The following MLLT3 variants were observed in gnomAD, a reference collection of about 807,000 sequenced individuals.
MLLT3 encodes MLLT3 super elongation complex subunit, also known as protein AF-9.
A neutral mutation model predicts 53.2 loss-of-function variants in MLLT3; 4 were observed. The ratio of observed to expected loss-of-function variants is 0.08; its 90% CI spans 0.04 to 0.17. The LOEUF (loss-of-function observed/expected upper bound fraction) is 0.17, where lower values mean the gene tolerates loss of function less well. Ranked by LOEUF, MLLT3 falls within the 10% of genes least tolerant of loss-of-function variation. The pLI is 1.00. For missense variants in MLLT3, 569 were observed against 684.0 expected (o/e 0.83, Z 1.87); for synonymous variants, 283 against 230.6 (o/e 1.23, Z -2.06).
intron 6 of MLLT3, 52 bp downstream of exon 6, chr9:20,365,617 T>A: frequency 6.2e-7 from 1 of 1,603,670 alleles, no homozygotes; most frequent in Non-Finnish European, 8.5e-7. Flanking sequence ...CAAAGTGCCA[T>A]TAAGGTGTTT....
At chr9:20,452,503 C>T (rs1823864507) in intron 3 of MLLT3, among the ~76,000 whole-genome samples, 1 of 152,028 alleles carries the variant, frequency 6.6e-6, no homozygotes, top group Non-Finnish European at 1.5e-5. Context: ...TTATAAATTA[C>T]CCAGTCTCGG....
intron 2 of MLLT3, among the ~76,000 whole-genome samples, chr9:20,487,413 T>C (rs1184986445): frequency 6.6e-6 from 1 of 152,100 alleles, no homozygotes; most frequent in Admixed American, 6.6e-5. Flanking sequence ...CAAAATAAAT[T>C]AACAAATGCA....
chr9:20,611,829 A>G (rs977159158), intron 2 of MLLT3, among the ~76,000 whole-genome samples: 2 of 152,188 alleles, frequency 1.3e-5, no homozygotes, highest in African/African-American at 4.8e-5. Flanking sequence ...AAGTCATGCA[A>G]CATTACTTCT....
intron 2 of MLLT3, among the ~76,000 whole-genome samples, chr9:20,552,907 T>G (rs1818961235): frequency 6.6e-6 from 1 of 152,128 alleles, no homozygotes; most frequent in South Asian, 2.1e-4. Flanking sequence ...ACCTAAATGT[T>G]TTTTATATGC....
chr9:20,588,950 C>G (rs796311274), intron 2 of MLLT3, among the ~76,000 whole-genome samples: 58 of 150,874 alleles, frequency 3.8e-4, no homozygotes, highest in African/African-American at 1.1e-3. Flanking sequence ...TGCTGAAGAG[C>G]ATGTGGAGAA....
intron 2 of MLLT3, among the ~76,000 whole-genome samples, chr9:20,549,261 A>G (rs1201416438): frequency 6.6e-6 from 1 of 152,234 alleles, no homozygotes; most frequent in African/African-American, 2.4e-5. Flanking sequence ...AAGTAGCTAT[A>G]ATTTGTGTGA....
intron 2 of MLLT3, among the ~76,000 whole-genome samples, chr9:20,532,325 A>G (rs1047618060): frequency 7.9e-5 from 12 of 151,972 alleles, no homozygotes; most frequent in African/African-American, 2.9e-4. Flanking sequence ...AAAAATATAT[A>G]TATATAAATC....
intron 2 of MLLT3, among the ~76,000 whole-genome samples, chr9:20,462,259 G>A (rs146156899): frequency 6.6e-6 from 1 of 152,276 alleles, no homozygotes; most frequent in African/African-American, 2.4e-5. Context: ...CTTCAAAACA[G>A]ATTATTCCTA....
rs1313617850 is a variant in MLLT3 at position 20,532,126 on chromosome 9, A to G, written c.194-75340T>C. On this transcript the variant is annotated intron_variant, in intron 2 of 10. Coordinates refer to ENST00000380338, the MANE Select transcript of MLLT3 (RefSeq NM_004529.4). ...TAAATGTCATGGCCTCAAGCGAAAC[A>G]TTAAACCTTATCAGCCATCATTTAA... Among the ~76,000 whole-genome samples the G allele has an allele frequency of 2.6e-5, 4 of 152,294 alleles. No homozygotes were observed. In the East Asian group the frequency reaches 7.7e-4, roughly 29 times the overall value.
intron 2 of MLLT3, among the ~76,000 whole-genome samples, chr9:20,469,924 A>G (rs1343798271): frequency 1.3e-5 from 2 of 152,080 alleles, no homozygotes; most frequent in East Asian, 3.8e-4. Flanking sequence ...GTAATTTAAA[A>G]ATAAATTCTA....
chr9:20,480,069 T>C (rs2118903433), intron 2 of MLLT3, among the ~76,000 whole-genome samples: 1 of 152,352 alleles, frequency 6.6e-6, no homozygotes, highest in Non-Finnish European at 1.5e-5. Context: ...CTACAAATAC[T>C]AGAGGTATTC....
intron 2 of MLLT3, chr9:20,502,129 G>A: frequency 6.6e-6 from 1 of 151,130 alleles, no homozygotes; most frequent in Non-Finnish European, 1.5e-5. Flanking sequence ...GGAAAAGTAG[G>A]TAAATATCTG....
In MLLT3 at chr9:20,615,362, A is replaced by G. The variant is rs1452820619; in HGVS notation, c.193+5292T>C. On this transcript the variant is annotated intron_variant, in intron 2 of 10. Coordinates refer to ENST00000380338, the MANE Select transcript of MLLT3 (RefSeq NM_004529.4). ...TGGGTGACAGGGCCAGACCATGTGAAAAAAAAAAAAAAAAAAAAAAAAAAA... is the reference window on the plus strand; with the variant it reads ...TGGGTGACAGGGCCAGACCATGTGAGAAAAAAAAAAAAAAAAAAAAAAAAA... Among the ~76,000 whole-genome samples, 26 of 26,716 alleles carry G rather than the reference A, an allele frequency of 9.7e-4. 1 individual carries two copies. Among genetic ancestry groups the G allele is most frequent in the South Asian group, 3.4e-3 (3 of 890 alleles). The allele number at this position is 26,716 out of a possible 152,430, so 17.5% of individuals were successfully genotyped here.
intron 2 of MLLT3, among the ~76,000 whole-genome samples, chr9:20,524,727 C>T (rs769297090): frequency 3.3e-5 from 5 of 152,096 alleles, no homozygotes; most frequent in Non-Finnish European, 5.9e-5. Flanking sequence ...CATACCTGTT[C>T]CCCATTCCCT....
intron 2 of MLLT3, among the ~76,000 whole-genome samples, chr9:20,518,948 C>G (rs2118975631): frequency 6.6e-6 from 1 of 152,272 alleles, no homozygotes; most frequent in Middle Eastern, 3.4e-3. Flanking sequence ...TTTGCTGACC[C>G]TGCAATACTC....
chr9:20,517,897 C>T (rs973886065), intron 2 of MLLT3, among the ~76,000 whole-genome samples: 1 of 151,810 alleles, frequency 6.6e-6, no homozygotes, highest in African/African-American at 2.4e-5. Flanking sequence ...AAGCAGATGG[C>T]AAAAGAGATG....
chr9:20,506,527 A>G (rs1825385509), intron 2 of MLLT3, among the ~76,000 whole-genome samples: 1 of 152,108 alleles, frequency 6.6e-6, no homozygotes, highest in Non-Finnish European at 1.5e-5. Flanking sequence ...TCAGTGAAAC[A>G]TGCTGTTAGT....
At chr9:20,347,007 C>T (rs1169634991) in intron 10 of MLLT3, among the ~76,000 whole-genome samples, 1 of 149,956 alleles carries the variant, frequency 6.7e-6, no homozygotes, top group Non-Finnish European at 1.5e-5. Flanking sequence ...CACACACACA[C>T]CCCTATATAA....
At chr9:20,544,142 TGG>T (rs1461555645) in intron 2 of MLLT3, among the ~76,000 whole-genome samples, 1 of 152,194 alleles carries the variant, frequency 6.6e-6, no homozygotes, top group African/African-American at 2.4e-5. Context: ...CTGAGAAAAC[TGG>T]ATTTCCACAT....
Sources: allele counts gnomAD v4.1 joint callset (sites outside exome capture counted in the v4.1 genomes callset), GRCh38; gene constraint gnomAD v4.1.1; transcripts MANE v1.5; gene names NCBI Gene and HGNC (gene_info 2026-07-23, HGNC 2026-07-21).